The following TBC1D1 variants were observed in gnomAD, a reference collection of about 807,000 sequenced individuals.
TBC1D1 encodes the protein TBC1 (tre-2/USP6, BUB2, cdc16) domain family, member 1.
Under a neutral mutation model 125.6 loss-of-function variants are expected in TBC1D1, and 89 were observed. The observed-to-expected ratio is 0.71, with a 90% CI of 0.60 to 0.85. The LOEUF (loss-of-function observed/expected upper bound fraction) is 0.85, where lower values mean the gene tolerates loss of function less well. Among genes scored for constraint, TBC1D1 ranks in the 40% least tolerant of loss-of-function variants. TBC1D1 has a pLI of 0.00. For missense variants in TBC1D1, 1,377 were observed against 1,469.2 expected (o/e 0.94, Z 1.03); for synonymous variants, 565 against 564.1 (o/e 1.00, Z -0.02).
chr4:37,906,334 G>C (rs978101096), intron 2 of TBC1D1, among the ~76,000 whole-genome samples: 1 of 152,122 alleles, frequency 6.6e-6, no homozygotes, highest in Admixed American at 6.6e-5. Context: ...TTTTAGTAGA[G>C]ACAGGGTTTC....
intron 2 of TBC1D1, among the ~76,000 whole-genome samples, chr4:37,926,833 A>T (rs1722226306): frequency 6.6e-6 from 1 of 152,124 alleles, no homozygotes. Flanking sequence ...TATTACTGTT[A>T]TGGCCAGGCA....
intron 1 of TBC1D1, among the ~76,000 whole-genome samples, chr4:37,891,588 G>A (rs972020376): frequency 1.2e-4 from 16 of 129,564 alleles, no homozygotes; most frequent in Non-Finnish European, 2.2e-4. Context: ...TGTTGCTAGC[G>A]ACCCGAGAGC....
intron 1 of TBC1D1, among the ~76,000 whole-genome samples, chr4:37,899,237 A>C (rs1715317413): frequency 6.6e-6 from 1 of 152,118 alleles, no homozygotes; most frequent in Admixed American, 6.5e-5. Context: ...GTGAGTAGTG[A>C]TGCTATTCAC....
rs139520946 is a variant in TBC1D1 at position 38,122,640 on chromosome 4, G to A, written c.2963-2322G>A. ...ACCAGAACTCCTTGGTGTCTCTGCA[G>A]CGTGTTCTTTGTGTTTTGCTCATGG... On this transcript the variant is annotated intron_variant, in intron 17 of 19. Coordinates refer to ENST00000261439, the MANE Select transcript of TBC1D1 (RefSeq NM_015173.4). Among the ~76,000 whole-genome samples the A allele has an allele frequency of 1.7e-3, 262 of 152,236 alleles. 1 individual carries two copies. Among genetic ancestry groups the A allele is most frequent in the African/African-American group, 5.9e-3 (247 of 41,540 alleles).
intron 2 of TBC1D1, among the ~76,000 whole-genome samples, chr4:37,982,980 G>A (rs1396633743): frequency 6.6e-6 from 1 of 152,192 alleles, no homozygotes; most frequent in Non-Finnish European, 1.5e-5. Flanking sequence ...ACAGGAGGTT[G>A]GTGGGCCTGG....
intron 8 of TBC1D1, among the ~76,000 whole-genome samples, chr4:38,039,578 G>A (rs766539044): frequency 5.3e-5 from 8 of 152,136 alleles, no homozygotes; most frequent in Non-Finnish European, 1.2e-4. Context: ...TGGTATTAAT[G>A]TCAAGAGTTT....
At chr4:37,993,727 G>T (rs574567567) in intron 2 of TBC1D1, among the ~76,000 whole-genome samples, 5 of 152,218 alleles carry the variant, frequency 3.3e-5, no homozygotes, top group African/African-American at 1.2e-4. Context: ...GATTACAGGC[G>T]CCCGCCACCG....
chr4:38,090,196 T>G, intron 13 of TBC1D1, 79 bp downstream of exon 15: 2 of 1,415,312 alleles, frequency 1.4e-6, no homozygotes, highest in Non-Finnish European at 9.8e-7. Flanking sequence ...ATAAGCATGC[T>G]GTCTTAAAAA....
chr4:38,026,378 A>T (rs1362222896), intron 6 of TBC1D1, among the ~76,000 whole-genome samples: 1 of 152,180 alleles, frequency 6.6e-6, no homozygotes, highest in Non-Finnish European at 1.5e-5. Context: ...GTGGCTGCCG[A>T]TGGGCCTCCT....
chr4:37,971,509 C>T (rs117809414), intron 2 of TBC1D1, among the ~76,000 whole-genome samples: 1 of 152,222 alleles, frequency 6.6e-6, no homozygotes, highest in East Asian at 1.9e-4. Context: ...GAAATCACCC[C>T]CATGATTCAG....
chr4:37,972,974 T>G (rs1732367610), intron 2 of TBC1D1, among the ~76,000 whole-genome samples: 1 of 152,158 alleles, frequency 6.6e-6, no homozygotes, highest in South Asian at 2.1e-4. Context: ...AAGTTTCCTT[T>G]TGATGGAATT....
rs186403178 is a variant in TBC1D1 at position 38,042,317 on chromosome 4, C to T, written c.1414-2045C>T. On this transcript the variant is annotated intron_variant, in intron 8 of 19. Transcript: ENST00000261439. Reference sequence around the variant, plus strand: ...TCACCCAAGCTGGAGTGCGGTGGTGCGATGTCAGCTCACTGCAATCTCTGC... The same window carrying T: ...TCACCCAAGCTGGAGTGCGGTGGTGTGATGTCAGCTCACTGCAATCTCTGC... 9.7e-4 allele frequency among the ~76,000 whole-genome samples: 147 copies of T among 152,034 alleles called. 1 individual carries two copies. The highest frequency in any genetic ancestry group is 3.4e-3 in the African/African-American group (141 of 41,484).
At chr4:38,026,052 G>C (rs952970125) in intron 6 of TBC1D1, among the ~76,000 whole-genome samples, 6 of 149,146 alleles carry the variant, frequency 4.0e-5, no homozygotes, top group African/African-American at 1.5e-4. Context: ...ATGTGCCTCA[G>C]TTTCTTCAGG....
At chr4:38,048,676 G>T (rs1749925339) in intron 10 of TBC1D1, among the ~76,000 whole-genome samples, 1 of 150,902 alleles carries the variant, frequency 6.6e-6, no homozygotes, top group Admixed American at 6.6e-5. Context: ...TATTCCTGTT[G>T]ATTTATTTTT....
intron 2 of TBC1D1, among the ~76,000 whole-genome samples, chr4:37,930,643 G>A (rs1723072820): frequency 6.6e-6 from 1 of 152,110 alleles, no homozygotes; most frequent in Non-Finnish European, 1.5e-5. Context: ...TTTAAAGTCA[G>A]GATAAACTAA....
chr4:38,017,324 C>T (rs577750289), intron 3 of TBC1D1, among the ~76,000 whole-genome samples: 1 of 152,190 alleles, frequency 6.6e-6, no homozygotes, highest in Non-Finnish European at 1.5e-5. Flanking sequence ...TAGAGAGAGA[C>T]ACAGTCTAGT....
At chr4:38,053,075 T>C in intron 11 of TBC1D1, 31 bp from the exon 13 acceptor site, 1 of 1,372,842 alleles carries the variant, frequency 7.3e-7, no homozygotes. Flanking sequence ...TGTTTCTTTA[T>C]CCTAAACTCT....
intron 2 of TBC1D1, among the ~76,000 whole-genome samples, chr4:37,924,087 G>T (rs1054967974): frequency 6.6e-6 from 1 of 151,972 alleles, no homozygotes; most frequent in Non-Finnish European, 1.5e-5. Flanking sequence ...TCTTACTCTC[G>T]GCTTCCTTAG....
rs1759476374 is a variant in TBC1D1 at position 38,097,086 on chromosome 4, C to T, written c.2398+996C>T. On this transcript the variant is annotated intron_variant, in intron 14 of 19. Transcript: ENST00000261439. ...AGCTCATCATGAATAACCAGGTGTT[C>T]TGAATAAGGGTTTCAAGTATGTATA... 3.9e-5 allele frequency among the ~76,000 whole-genome samples: 6 copies of T among 152,144 alleles called. No homozygotes were observed. In the South Asian group the frequency reaches 1.2e-3, roughly 31 times the overall value.
Sources: allele counts gnomAD v4.1 joint callset (sites outside exome capture counted in the v4.1 genomes callset), GRCh38; gene constraint gnomAD v4.1.1; transcripts MANE v1.5; gene names NCBI Gene and HGNC (gene_info 2026-07-23, HGNC 2026-07-21).